The following SAG variants were observed in gnomAD, a reference collection of about 807,000 sequenced individuals.
The protein encoded by SAG is S-arrestin.
Under a neutral mutation model 55.0 loss-of-function variants are expected in SAG, and 45 were observed. That is an observed-to-expected ratio of 0.82 (90% CI 0.64 to 1.05). The LOEUF is 1.05. Ranked by LOEUF, SAG falls within the 50% of genes least tolerant of loss-of-function variation. SAG has a pLI of 0.00. For missense variants in SAG, 455 were observed against 512.1 expected, an observed-to-expected ratio of 0.89 and a Z score of 1.08; for synonymous variants, 189 against 197.4, an observed-to-expected ratio of 0.96 and a Z score of 0.36.
At chr2:233,343,698 G>A in intron 14 of SAG, 3 of 1,238,340 alleles carry the variant, frequency 2.4e-6, no homozygotes, top group Non-Finnish European at 3.1e-6. Flanking sequence ...TCTGCATCGA[G>A]GCAGCTTAGT....
intron 5 of SAG, among the ~76,000 whole-genome samples, chr2:233,322,415 G>A (rs998347058): frequency 1.8e-4 from 27 of 152,162 alleles, no homozygotes; most frequent in African/African-American, 6.5e-4. Flanking sequence ...AATGCTTTCT[G>A]AAAAGGGCTA....
intron 6 of SAG, among the ~76,000 whole-genome samples, chr2:233,326,102 G>A (rs1482878386): frequency 2.6e-5 from 4 of 152,090 alleles, no homozygotes; most frequent in Non-Finnish European, 5.9e-5. Context: ...GCTCCCCAAC[G>A]CATGTGAACG....
chr2:233,346,374 C>T (rs1701252860), intron 14 of SAG, 29 bp from the exon 15 acceptor site: 2 of 1,612,534 alleles, frequency 1.2e-6, no homozygotes, highest in Non-Finnish European at 1.7e-6. Context: ...CTCCCTCTTC[C>T]CTGCCTCCCT....
intron 9 of SAG, among the ~76,000 whole-genome samples, chr2:233,331,125 G>T (rs1031386803): frequency 7.2e-5 from 11 of 152,120 alleles, no homozygotes; most frequent in African/African-American, 2.7e-4. Context: ...GTCCCTATGA[G>T]TTAGATGCAA....
At chr2:233,317,540 T>A (rs961589189) in intron 3 of SAG, among the ~76,000 whole-genome samples, 2 of 152,244 alleles carry the variant, frequency 1.3e-5, no homozygotes, top group African/African-American at 4.8e-5. Flanking sequence ...CAAATGTGCC[T>A]TGGCAAAACA....
chr2:233,327,162 C>T lies in SAG; in HGVS notation c.477C>T (p.Asp159=). 6.2e-7 allele frequency: 1 copy of T among 1,613,930 alleles called. No individual in the cohort carries two copies. The highest frequency in any genetic ancestry group is 8.5e-7 in the Non-Finnish European group (1 of 1,179,826). The change falls in exon 7 of 16, where the codon GAC becomes GAT. Residue 159 remains aspartate (D), a synonymous_variant. Coordinates refer to ENST00000409110, the MANE Select transcript of SAG (RefSeq NM_000541.5). ...TTGAGGTCAAAGCATTCGCCACAGA[C>T]AGCACCGATGCCGAAGAGGACAAAA... is the stretch of plus-strand genomic sequence containing the variant. ...VDFEVKAFAT[D]STDAEEDKIP... is the part of the protein sequence containing the mutation.
chr2:233,309,242 A>G lies in SAG; in HGVS notation c.53A>G (p.Lys18Arg). Residue 18 changes from lysine (K) to arginine (R), a missense_variant, in exon 2 of 16, where the codon AAG becomes AGG. Lys to Arg is a conservative substitution (Grantham distance 26). Transcript: ENST00000409110. ...SKSEPNHVIF[K>R]KISRDKSVTI... ...TCCGAACCGAACCATGTTATCTTCA[A>G]GAAGATCTCCCGGGACAAATCGGTG... 1 of 1,613,834 alleles carries G rather than the reference A, an allele frequency of 6.2e-7. No individual in the cohort carries two copies. The highest frequency in any genetic ancestry group is 8.5e-7 in the Non-Finnish European group (1 of 1,179,758).
chr2:233,319,929 G>T lies in SAG; in HGVS notation c.182-701G>T. ...CACGCACTTGGCGGGGCCGCCTCTC[G>T]TGCTTTATATTTGAGAAATATGTGC... On this transcript the variant is annotated intron_variant, in intron 4 of 15. Coordinates refer to ENST00000409110, the MANE Select transcript of SAG (RefSeq NM_000541.5). The surrounding 1 kb of genome is among the most constrained non-coding windows in gnomAD (Gnocchi z 4.4). 1.0e-6 allele frequency: 1 copy of T among 985,578 alleles called. No homozygotes were observed. 61.1% of individuals were successfully genotyped at this position (985,578 alleles called of 1,614,324 possible). A position where few individuals can be genotyped will look rare whatever the true frequency, so the allele number is the denominator to read the frequency against.
rs953469912 is a variant in SAG, at chr2:233,312,074, C to T, written c.75+2810C>T. Among the ~76,000 whole-genome samples the T allele has an allele frequency of 9.2e-5, 14 of 152,154 alleles. No homozygotes were observed. The East Asian group carries it at 1.9e-3, about 21-fold the overall frequency. ...CTGGGAGGTGGAGTTTGCAGTGAGCCGAGATCGCGCCATTGCACTCCAGCC... is the reference window on the plus strand; with the variant it reads ...CTGGGAGGTGGAGTTTGCAGTGAGCTGAGATCGCGCCATTGCACTCCAGCC... On this transcript the variant is annotated intron_variant, in intron 2 of 15. Coordinates refer to ENST00000409110, the MANE Select transcript of SAG (RefSeq NM_000541.5).
At chr2:233,317,907 T>A (rs532081646) in intron 3 of SAG, among the ~76,000 whole-genome samples, 2 of 152,344 alleles carry the variant, frequency 1.3e-5, no homozygotes, top group East Asian at 3.9e-4. Context: ...GAACAGTATG[T>A]ACAATAGGAT....
chr2:233,329,065 G>T (rs1700663822), intron 8 of SAG: 1 of 238,814 alleles, frequency 4.2e-6, no homozygotes, highest in Non-Finnish European at 8.2e-6. Context: ...GTGGGAAAAG[G>T]TGAGAGCTGC....
intron 6 of SAG, among the ~76,000 whole-genome samples, chr2:233,324,764 G>A (rs1345817650): frequency 2.6e-5 from 4 of 152,162 alleles, no homozygotes; most frequent in Admixed American, 2.0e-4. Flanking sequence ...CATGAGGAAG[G>A]GAGCTACACA....
At chr2:233,323,437 C>T (rs961209053) in intron 6 of SAG, among the ~76,000 whole-genome samples, 9 of 151,990 alleles carry the variant, frequency 5.9e-5, no homozygotes. Flanking sequence ...GATCTCGGCT[C>T]ACCACAACCT....
rs368817016 is a variant in SAG at position 233,316,098 on chromosome 2, A to C, written c.99A>C (p.Arg33Ser). The change falls in exon 3 of 16, where the codon AGA becomes AGC. Residue 33 changes from arginine to serine, a missense_variant. Transcript: ENST00000409110. Reference protein sequence around the residue: ...DKSVTIYLGNRDYIDHVSQVQ... With the variant: ...DKSVTIYLGNSDYIDHVSQVQ... ...AGGTGACCATCTACCTGGGGAACAGAGACTACATAGACCATGTCAGCCAAG... is the reference window on the plus strand; with the variant it reads ...AGGTGACCATCTACCTGGGGAACAGCGACTACATAGACCATGTCAGCCAAG... The C allele has an allele frequency of 1.6e-5, 26 of 1,598,308 alleles. No individual in the cohort carries two copies. The African/African-American group carries it at 2.9e-4, about 18-fold the overall frequency.
intron 2 of SAG, among the ~76,000 whole-genome samples, chr2:233,312,616 G>A (rs1052609351): frequency 1.3e-5 from 2 of 152,064 alleles, no homozygotes; most frequent in Admixed American, 1.3e-4. Flanking sequence ...GTTCTTTAGG[G>A]CCACGTCCTA....
intron 13 of SAG, 83 bp from the exon 14 acceptor site, chr2:233,342,188 C>T: frequency 2.0e-6 from 2 of 1,010,220 alleles, no homozygotes; most frequent in Non-Finnish European, 3.0e-6. Flanking sequence ...TCTTTTGTGA[C>T]TCTCCGCAGC....
Position 233,326,824 on chromosome 2 carries a change from A to G in SAG, c.436-297A>G, listed in dbSNP as rs1000547. Among the ~76,000 whole-genome samples the G allele has an allele frequency of 0.73, 111,702 of 152,106 alleles. 41,499 individuals are homozygous for G. Among genetic ancestry groups the G allele is most frequent in the African/African-American group, 0.84 (34,840 of 41,516 alleles). ...GGGACACCTAAGTGTGCAAGGTGGC[A>G]GGAGGCAAGGATAGCCAGGATGTGA... On this transcript the variant is annotated intron_variant, in intron 6 of 15. Transcript: ENST00000409110.
intron 8 of SAG, 109 bp downstream of exon 8, chr2:233,328,722 A>G: frequency 7.2e-6 from 9 of 1,256,690 alleles, no homozygotes; most frequent in Non-Finnish European, 9.8e-6. Flanking sequence ...CCTTGCAAGG[A>G]AGCTTGTTTC....
chr2:233,341,998 T>C (rs1260081551), intron 13 of SAG, among the ~76,000 whole-genome samples: 3 of 152,034 alleles, frequency 2.0e-5, no homozygotes, highest in East Asian at 1.9e-4. Context: ...GTGGCATGCA[T>C]TTGTAGTCCC....
Sources: gnomAD v4.1 joint callset for allele counts (sites outside exome capture counted in the v4.1 genomes callset) on GRCh38, gnomAD v4.1.1 for gene constraint, Gnocchi (gnomAD v3.1) non-coding constraint, MANE v1.5 for transcripts, NCBI Gene and HGNC (gene_info 2026-07-23, HGNC 2026-07-21) for gene names.